PTPRN: variants seen among roughly 807,000 people sequenced by gnomAD.
PTPRN encodes protein tyrosine phosphatase receptor type N.
In PTPRN, 70 loss-of-function variants were observed where a neutral mutation model predicts 108.5. The observed-to-expected ratio is 0.65, with a 90% CI of 0.53 to 0.79. PTPRN has a LOEUF of 0.79. Ranked by LOEUF, PTPRN falls within the 30% of genes least tolerant of loss-of-function variation. PTPRN has a pLI of 0.00. For synonymous variants in PTPRN, 496 were observed against 524.6 expected (o/e 0.95, Z 0.75); for missense variants, 1,136 against 1,295.5 (o/e 0.88, Z 1.89).
chr2:219,303,497 C>T (rs1056501516), intron 4 of PTPRN, among the ~76,000 whole-genome samples: 5 of 152,130 alleles, frequency 3.3e-5, no homozygotes, highest in African/African-American at 2.4e-5. Flanking sequence ...TTAAAGTAGC[C>T]AATGTCAATG....
At chr2:219,303,309 A>ACCTC (rs1952403799) in intron 4 of PTPRN, among the ~76,000 whole-genome samples, 1 of 151,924 alleles carries the variant, frequency 6.6e-6, no homozygotes, top group African/African-American at 2.4e-5. Context: ...AGCTCCCTAA[A>ACCTC]CCTCATTTAC....
rs559781538 is a variant in PTPRN, at chr2:219,290,660, G to A, written c.2795-49C>T. 6.8e-5 allele frequency: 103 copies of A among 1,522,664 alleles called. No homozygotes were observed. The South Asian group carries it at 1.2e-3, about 17-fold the overall frequency. 94.3% of individuals were successfully genotyped at this position (1,522,664 alleles called of 1,614,324 possible). The stretch of plus-strand genomic sequence containing the variant: ...GCTGCTCAGGGGGTGTCCAGAGGAG[G>A]ACAGGACCCAGAAAACCTGAGGCCT... On this transcript the variant is annotated intron_variant, in intron 21 of 22. Coordinates refer to ENST00000295718, the MANE Select transcript of PTPRN (RefSeq NM_002846.4). The surrounding 1 kb of genome is among the most constrained non-coding windows in gnomAD (Gnocchi z 4.2).
At chr2:219,298,430 G>A (rs1429453782) in intron 12 of PTPRN, among the ~76,000 whole-genome samples, 3 of 152,248 alleles carry the variant, frequency 2.0e-5, no homozygotes, top group Non-Finnish European at 2.9e-5. Flanking sequence ...TAGGCCGGGC[G>A]TGGTGGCTCA....
rs1282209325 is a variant in PTPRN, at chr2:219,307,840, A to G, written c.118T>C (p.Cys40Arg). 1 of 1,614,082 alleles carries G rather than the reference A, an allele frequency of 6.2e-7. No individual in the cohort carries two copies. The highest frequency in any genetic ancestry group is 1.7e-5 in the Admixed American group (1 of 60,012). ...GAGCAGAGCCTGCGGTCAAATAGAC[A>G]GCCTGTAGAGGAAAAGGTGAGCAGA... Reference protein sequence around the residue: ...GGCSAVSAHGCLFDRRLCSHL... With the variant: ...GGCSAVSAHGRLFDRRLCSHL... The change falls in exon 2 of 23, where the codon TGT (cysteine) becomes CGT (arginine). Residue 40 changes from cysteine (C) to arginine (R), a missense_variant and splice_region_variant. Cys to Arg is a radical substitution (Grantham distance 180, BLOSUM62 -3). Transcript: ENST00000295718.
chr2:219,307,872 GACAC>G, intron 1 of PTPRN, 30 bp from the exon 2 acceptor site: 1 of 1,609,738 alleles, frequency 6.2e-7, no homozygotes, highest in Non-Finnish European at 8.5e-7. Context: ...CAGAGGCTCA[GACAC>G]CCACTCACAG....
rs771203621 is a variant in PTPRN, at chr2:219,297,147, C to T, written c.2089-15G>A. On this transcript the variant is annotated splice_polypyrimidine_tract_variant and intron_variant, in intron 14 of 22. Coordinates refer to ENST00000295718, the MANE Select transcript of PTPRN (RefSeq NM_002846.4). This position sits in a 1 kb window ranked among gnomAD's most constrained non-coding sequence, Gnocchi z 6.0. ...TCCATGTATGCCTGTGGGGGCACCACGGTCTGGCTCTGGCCCACACAGCCA... is the reference window on the plus strand; with the variant it reads ...TCCATGTATGCCTGTGGGGGCACCATGGTCTGGCTCTGGCCCACACAGCCA... The T allele has an allele frequency of 2.2e-5, 35 of 1,613,164 alleles. No individual in the cohort carries two copies. In the South Asian group the frequency reaches 2.3e-4, roughly 11 times the overall value.
Position 219,295,127 on chromosome 2 carries a change from C to T in PTPRN, c.2523G>A (p.Ser841=), listed in dbSNP as rs1488709822. The T allele has an allele frequency of 3.1e-6, 5 of 1,610,588 alleles. No individual in the cohort carries two copies. In the South Asian group the frequency reaches 3.3e-5, roughly 11 times the overall value. ...LYHVYEVNLV[S]EHIWCEDFLV... ...GAAAGTCCTCGCACCAGATGTGCTC[C>T]GACACCAGGTTCACCTGCCCGGCAG... Residue 841 remains serine (S), a synonymous_variant, in exon 19 of 23, where the codon TCG becomes TCA. Coordinates refer to ENST00000295718, the MANE Select transcript of PTPRN (RefSeq NM_002846.4).
rs1952016223 is a variant in PTPRN, at chr2:219,289,978, C to G, written c.*248G>C. ...AGAAGGCTCTGGGTAGAATTGCTAC[C>G]CATGTCCTTTCCTCTCCTCCTGGCT... On this transcript the variant is annotated 3_prime_UTR_variant, in exon 23 of 23. Transcript: ENST00000295718. 1 of 540,824 alleles carries G rather than the reference C, an allele frequency of 1.8e-6. No individual in the cohort carries two copies. Among genetic ancestry groups the G allele is most frequent in the Admixed American group, 3.2e-5 (1 of 31,528 alleles). The allele number at this position is 540,824 out of a possible 1,614,324, so 33.5% of individuals were successfully genotyped here. A position where few individuals can be genotyped will look rare whatever the true frequency, so the allele number is the denominator to read the frequency against.
intron 4 of PTPRN, 133 bp from the exon 5 acceptor site, chr2:219,302,970 T>A: frequency 1.4e-6 from 1 of 737,856 alleles, no homozygotes; most frequent in Non-Finnish European, 2.0e-6. Context: ...CTGAGTGACC[T>A]CAGGGGAAGA....
At position 219,296,111 on chromosome 2, in the gene PTPRN, T is replaced by A; in HGVS notation, c.2508+115A>T. 2 of 1,461,318 alleles carry A rather than the reference T, an allele frequency of 1.4e-6. No individual in the cohort carries two copies. Among genetic ancestry groups the A allele is most frequent in the Admixed American group, 1.9e-5 (1 of 53,190 alleles). 90.5% of individuals were successfully genotyped at this position (1,461,318 alleles called of 1,614,324 possible). A position where few individuals can be genotyped will look rare whatever the true frequency, so the allele number is the denominator to read the frequency against. ...ATGTATGAATCATGAGCAGGGCCAA[T>A]AAAAGCCTTTTTAAAAAGACTGTTG... is the stretch of plus-strand genomic sequence containing the variant. On this transcript the variant is annotated intron_variant, in intron 18 of 22. Coordinates refer to ENST00000295718, the MANE Select transcript of PTPRN (RefSeq NM_002846.4). This position sits in a 1 kb window ranked among gnomAD's most constrained non-coding sequence, Gnocchi z 6.0.
Position 219,309,351 on chromosome 2 carries a change from C to G in PTPRN, c.-19G>C. 1 of 1,340,870 alleles carries G rather than the reference C, an allele frequency of 7.5e-7. No individual in the cohort carries two copies. The highest frequency in any genetic ancestry group is 9.9e-7 in the Non-Finnish European group (1 of 1,011,854). 83.1% of individuals were successfully genotyped at this position (1,340,870 alleles called of 1,614,324 possible). On this transcript the variant is annotated 5_prime_UTR_variant, in exon 1 of 23. Transcript: ENST00000295718. ...GCCGCATCTTTCCGAGCTCCGGGCGCTCGCTCCCGGGCCGGAGCCGCAGCG... is the reference window on the plus strand; with the variant it reads ...GCCGCATCTTTCCGAGCTCCGGGCGGTCGCTCCCGGGCCGGAGCCGCAGCG...
intron 19 of PTPRN, among the ~76,000 whole-genome samples, chr2:219,293,316 G>A: frequency 6.6e-6 from 1 of 152,118 alleles, no homozygotes; most frequent in Admixed American, 6.5e-5. Context: ...GAGTAGCTGG[G>A]AGTACAGGCG....
Position 219,297,905 on chromosome 2 carries a change from C to T in PTPRN, c.1867G>A (p.Asp623Asn), listed in dbSNP as rs1952240662. Residue 623 changes from aspartate (D) to asparagine (N), a missense_variant, in exon 13 of 23, where the codon GAC becomes AAC. Coordinates refer to ENST00000295718, the MANE Select transcript of PTPRN (RefSeq NM_002846.4). The surrounding 1 kb of genome is among the most constrained non-coding windows in gnomAD (Gnocchi z 6.0). ...AALGPEGAHG[D>N]TTFEYQDLCR... ...CACACCTGGTACTCAAAGGTAGTGT[C>T]ACCATGGGCCCCCTCAGGCCCCAGG... 1.9e-6 allele frequency: 3 copies of T among 1,610,630 alleles called. No homozygotes were observed. Among genetic ancestry groups the T allele is most frequent in the African/African-American group, 2.7e-5 (2 of 74,876 alleles).
intron 10 of PTPRN, 32 bp downstream of exon 10, chr2:219,299,668 C>T (rs375207216): frequency 1.7e-5 from 27 of 1,548,716 alleles, no homozygotes; most frequent in African/African-American, 6.8e-5. Flanking sequence ...TTCTAGATCT[C>T]GGCCACTGCC....
chr2:219,293,326 G>A (rs1183760552), intron 19 of PTPRN, among the ~76,000 whole-genome samples: 20 of 152,012 alleles, frequency 1.3e-4, no homozygotes, highest in African/African-American at 4.6e-4. Flanking sequence ...GAGTACAGGC[G>A]CTCGCCACCC....
Position 219,298,251 on chromosome 2 carries a change from G to T in PTPRN, c.1669-148C>A, listed in dbSNP as rs975453426. 3.3e-5 allele frequency: 24 copies of T among 735,150 alleles called. No homozygotes were observed. In the Admixed American group the frequency reaches 5.4e-4, roughly 17 times the overall value. 45.5% of individuals were successfully genotyped at this position (735,150 alleles called of 1,614,324 possible). A position where few individuals can be genotyped will look rare whatever the true frequency, so the allele number is the denominator to read the frequency against. On this transcript the variant is annotated intron_variant, in intron 12 of 22. Coordinates refer to ENST00000295718, the MANE Select transcript of PTPRN (RefSeq NM_002846.4). ...AGGGGTATGGTGGTACAGCCAGATG[G>T]GCTCAGATTCTCCTTCTCAATCCCC...
chr2:219,291,366 G>C, intron 20 of PTPRN, 104 bp downstream of exon 20: 1 of 1,276,306 alleles, frequency 7.8e-7, no homozygotes, highest in Non-Finnish European at 1.1e-6. Context: ...GCTGGATTTG[G>C]ACTATGCCTG....
rs2125098180 is a variant in PTPRN at position 219,306,010 on chromosome 2, C to A, written c.280+1434G>T. Among the ~76,000 whole-genome samples, 2 of 152,186 alleles carry A rather than the reference C, an allele frequency of 1.3e-5. 1 individual carries two copies. Among genetic ancestry groups the A allele is most frequent in the South Asian group, 4.1e-4 (2 of 4,820 alleles). On this transcript the variant is annotated intron_variant, in intron 3 of 22. Coordinates refer to ENST00000295718, the MANE Select transcript of PTPRN (RefSeq NM_002846.4). ...ATTAAAAATACAAAAATTAGCCAGGCATGGTGGCGCGCACATGTAATGTCA... is the reference window on the plus strand; with the variant it reads ...ATTAAAAATACAAAAATTAGCCAGGAATGGTGGCGCGCACATGTAATGTCA...
At position 219,296,882 on chromosome 2, in the gene PTPRN, C is replaced by G; in HGVS notation, c.2237-60G>C. The G allele has an allele frequency of 6.2e-7, 1 of 1,613,316 alleles. No homozygotes were observed. The highest frequency in any genetic ancestry group is 1.3e-5 in the African/African-American group (1 of 75,016). On this transcript the variant is annotated intron_variant, in intron 15 of 22. Coordinates refer to ENST00000295718, the MANE Select transcript of PTPRN (RefSeq NM_002846.4). This position sits in a 1 kb window ranked among gnomAD's most constrained non-coding sequence, Gnocchi z 6.0. The stretch of plus-strand genomic sequence containing the variant: ...TCTGGTCATTGGCATCGCGGGACCT[C>G]TGCCACTCAGCCTGAGCCAGAAGCC...
Sources: allele counts gnomAD v4.1 joint callset (sites outside exome capture counted in the v4.1 genomes callset), GRCh38; gene constraint gnomAD v4.1.1; non-coding constraint Gnocchi (gnomAD v3.1); transcripts MANE v1.5; gene names NCBI Gene and HGNC (gene_info 2026-07-23, HGNC 2026-07-21).